Variants in HPSE2 observed in about 807,000 individuals in gnomAD.
HPSE2 encodes inactive heparanase-2.
HPSE2 carries 38 observed loss-of-function variants against 60.5 expected under a neutral mutation model. That is an observed-to-expected ratio of 0.63 (90% CI 0.48 to 0.82). The LOEUF (loss-of-function observed/expected upper bound fraction) is 0.82. Ranked by LOEUF, HPSE2 falls within the 40% of genes least tolerant of loss-of-function variation. The pLI, the probability that HPSE2 is intolerant of heterozygous loss-of-function variation, is 0.00. For synonymous variants in HPSE2, 295 were observed against 293.2 expected, an observed-to-expected ratio of 1.01 and a Z score of -0.06; for missense variants, 713 against 740.4, an observed-to-expected ratio of 0.96 and a Z score of 0.43.
intron 3 of HPSE2, among the ~76,000 whole-genome samples, chr10:99,027,676 TACCACCACCACCACCACC>T (rs35049969): frequency 1.4e-5 from 2 of 139,250 alleles, no homozygotes; most frequent in East Asian, 2.2e-4. Context: ...CCACCACCAC[TACCACCACCACCACCACC>T]ACCACCACCA....
At chr10:98,751,310 C>A (rs1327412756) in intron 3 of HPSE2, among the ~76,000 whole-genome samples, 2 of 152,084 alleles carry the variant, frequency 1.3e-5, no homozygotes, top group Non-Finnish European at 2.9e-5. Context: ...GATGGAGCAA[C>A]AACTGTTACC....
At chr10:99,218,695 A>T (rs558471491) in intron 2 of HPSE2, among the ~76,000 whole-genome samples, 5 of 152,214 alleles carry the variant, frequency 3.3e-5, no homozygotes, top group Non-Finnish European at 7.3e-5. Flanking sequence ...TGACTTTTGG[A>T]CAGGGGTGCC....
At chr10:98,705,782 G>A (rs1474865302) in intron 5 of HPSE2, among the ~76,000 whole-genome samples, 1 of 152,082 alleles carries the variant, frequency 6.6e-6, no homozygotes, top group Non-Finnish European at 1.5e-5. Flanking sequence ...GAGAGGGAGA[G>A]CATTAGCATA....
intron 3 of HPSE2, among the ~76,000 whole-genome samples, chr10:99,003,933 T>C (rs1956833569): frequency 6.6e-6 from 1 of 152,142 alleles, no homozygotes; most frequent in Admixed American, 6.6e-5. Flanking sequence ...ATTCTAAATT[T>C]AAGTCTTTTA....
chr10:99,053,867 A>G (rs1958048321), intron 3 of HPSE2, among the ~76,000 whole-genome samples: 1 of 151,216 alleles, frequency 6.6e-6, no homozygotes, highest in Admixed American at 6.6e-5. Context: ...TGCTGGGACT[A>G]CAGGTGCACG....
At chr10:98,674,428 A>T (rs1407340727) in intron 6 of HPSE2, among the ~76,000 whole-genome samples, 1 of 152,250 alleles carries the variant, frequency 6.6e-6, no homozygotes, top group Non-Finnish European at 1.5e-5. Context: ...AGCCTTCCAG[A>T]TAAAAAGCAC....
At chr10:98,529,092 A>G (rs1943058544) in intron 9 of HPSE2, among the ~76,000 whole-genome samples, 1 of 152,274 alleles carries the variant, frequency 6.6e-6, no homozygotes, top group African/African-American at 2.4e-5. Flanking sequence ...ACAGACACAC[A>G]CAAACTCTTA....
intron 5 of HPSE2, among the ~76,000 whole-genome samples, chr10:98,698,710 T>A (rs1274969951): frequency 2.0e-5 from 3 of 152,164 alleles, no homozygotes; most frequent in Non-Finnish European, 4.4e-5. Flanking sequence ...GAGCTGGTTT[T>A]CTGAAAGGAT....
chr10:98,809,438 T>C (rs1265665932), intron 3 of HPSE2, among the ~76,000 whole-genome samples: 2 of 152,112 alleles, frequency 1.3e-5, no homozygotes, highest in African/African-American at 4.8e-5. Context: ...AATAGGGCTA[T>C]GATATATTAT....
chr10:99,308,280 T>C, the HPSE2 span, among the ~76,000 whole-genome samples: 128,391 of 149,798 alleles, frequency 0.86, 55,395 homozygotes, highest in African/African-American at 0.93. Flanking sequence ...CCCAGCTACT[T>C]GGGAGGCTGA....
chr10:98,606,020 A>G (rs1286408093), intron 9 of HPSE2, among the ~76,000 whole-genome samples: 1 of 152,156 alleles, frequency 6.6e-6, no homozygotes, highest in Non-Finnish European at 1.5e-5. Flanking sequence ...TGCTTCCTAC[A>G]CAGCATTCAG....
At chr10:98,825,305 C>T (rs1433449776) in intron 3 of HPSE2, among the ~76,000 whole-genome samples, 1 of 151,700 alleles carries the variant, frequency 6.6e-6, no homozygotes, top group African/African-American at 2.4e-5. Context: ...GAGTGTAGAG[C>T]CAAAATGTGA....
chr10:98,698,247 T>A (rs1948289411), intron 5 of HPSE2, among the ~76,000 whole-genome samples: 7 of 131,544 alleles, frequency 5.3e-5, no homozygotes, highest in African/African-American at 1.9e-4. Context: ...GAAGTAAAGC[T>A]CTCCTCAGCA....
chr10:99,146,451 T>C (rs989887242), intron 2 of HPSE2, among the ~76,000 whole-genome samples: 4 of 152,224 alleles, frequency 2.6e-5, no homozygotes, highest in African/African-American at 9.6e-5. Context: ...AGAGAGAGCC[T>C]CACTAAGAGA....
At chr10:98,483,740 T>A (rs1289608604) in intron 10 of HPSE2, among the ~76,000 whole-genome samples, 1 of 152,236 alleles carries the variant, frequency 6.6e-6, no homozygotes, top group African/African-American at 2.4e-5. Flanking sequence ...CTGACAATGT[T>A]CTTGACAAAG....
chr10:99,108,221 G>C (rs188688805), intron 3 of HPSE2, among the ~76,000 whole-genome samples: 144 of 152,236 alleles, frequency 9.5e-4, no homozygotes, highest in African/African-American at 3.2e-3. Context: ...AGTTGGAAAA[G>C]TGACTTGTGC....
intron 3 of HPSE2, among the ~76,000 whole-genome samples, chr10:98,955,417 C>G (rs1955480920): frequency 6.6e-6 from 1 of 152,162 alleles, no homozygotes; most frequent in African/African-American, 2.4e-5. Context: ...GATACCATTG[C>G]ATGCCAGTCA....
chr10:98,846,664 T>C (rs1952042367), intron 3 of HPSE2, among the ~76,000 whole-genome samples: 1 of 152,204 alleles, frequency 6.6e-6, no homozygotes, highest in Non-Finnish European at 1.5e-5. Flanking sequence ...GAAGCATATT[T>C]AAACAAACAA....
At chr10:98,555,379 G>A (rs1042862097) in intron 9 of HPSE2, among the ~76,000 whole-genome samples, 2 of 152,168 alleles carry the variant, frequency 1.3e-5, no homozygotes, top group Non-Finnish European at 2.9e-5. Context: ...CTTTCCTGCA[G>A]AGCCCTGTAT....
Sources: gnomAD v4.1 joint callset for allele counts (sites outside exome capture counted in the v4.1 genomes callset) on GRCh38, gnomAD v4.1.1 for gene constraint, MANE v1.5 for transcripts, NCBI Gene and HGNC (gene_info 2026-07-23, HGNC 2026-07-21) for gene names.